Variants in MCU observed in about 807,000 individuals in gnomAD.
MCU encodes mitochondrial calcium uniporter, also known as calcium uniporter protein, mitochondrial.
In MCU, 12 loss-of-function variants were observed where a neutral mutation model predicts 45.2. The observed-to-expected ratio is 0.27, with a 90% CI of 0.17 to 0.43. The LOEUF (loss-of-function observed/expected upper bound fraction) is 0.43. Ranked by LOEUF, MCU falls within the 20% of genes least tolerant of loss-of-function variation. MCU has a pLI of 1.00. For missense variants in MCU, 324 were observed against 436.7 expected (o/e 0.74, Z 2.30); for synonymous variants, 160 against 165.1 (o/e 0.97, Z 0.24).
chr10:72,745,352 C>G (rs1056165524), intron 1 of MCU, among the ~76,000 whole-genome samples: 5 of 152,262 alleles, frequency 3.3e-5, no homozygotes, highest in Middle Eastern at 3.4e-3. Flanking sequence ...GCTCAGCCTC[C>G]TGAGTAGCTG....
intron 5 of MCU, among the ~76,000 whole-genome samples, chr10:72,870,578 A>C (rs11000431): frequency 6.6e-6 from 1 of 152,070 alleles, no homozygotes. Flanking sequence ...CACCGCGCCC[A>C]GCTTTACCTA....
chr10:72,710,558 T>TG (rs1015004000), intron 1 of MCU, among the ~76,000 whole-genome samples: 2 of 149,162 alleles, frequency 1.3e-5, no homozygotes, highest in African/African-American at 5.0e-5. Context: ...TTTTTTTTTT[T>TG]TTTTTTTTTT....
intron 1 of MCU, among the ~76,000 whole-genome samples, chr10:72,828,798 G>A (rs1003851018): frequency 5.3e-5 from 8 of 152,090 alleles, no homozygotes; most frequent in Admixed American, 2.6e-4. Context: ...TAAAGTTACA[G>A]TGTTTTGTAA....
In MCU at chr10:72,836,138, T is replaced by TA. The variant is rs567287549; in HGVS notation, c.220+1722dup. 6.6e-3 allele frequency among the ~76,000 whole-genome samples: 955 copies of TA among 145,180 alleles called. 7 individuals are homozygous for TA. The highest frequency in any genetic ancestry group is 0.01 in the South Asian group (48 of 4,612). ...GTTTGAATAAAAAGAATTTCACTGT[T>TA]AAAAAAAAAAAAGTTTACATTGCTG... On this transcript the variant is annotated intron_variant, in intron 2 of 7. Transcript: ENST00000373053.
intron 1 of MCU, among the ~76,000 whole-genome samples, chr10:72,822,548 A>AT (rs1233651608): frequency 6.6e-6 from 1 of 152,202 alleles, no homozygotes; most frequent in Non-Finnish European, 1.5e-5. Context: ...CTGAATAGGC[A>AT]TTTTTCCAGT....
Position 72,763,938 on chromosome 10 carries a change from G to T in MCU, c.151-70421G>T, listed in dbSNP as rs997130936. Among the ~76,000 whole-genome samples, 5 of 151,864 alleles carry T rather than the reference G, an allele frequency of 3.3e-5. No individual in the cohort carries two copies. In the South Asian group the frequency reaches 6.2e-4, roughly 19 times the overall value. On this transcript the variant is annotated intron_variant, in intron 1 of 7. Coordinates refer to ENST00000373053, the MANE Select transcript of MCU (RefSeq NM_138357.3). The stretch of plus-strand genomic sequence containing the variant: ...ACACTCCCCTTCCACACACACACAC[G>T]CATGTGCTCAACCAAAGAATGAACC...
chr10:72,808,248 G>A (rs56161419), intron 1 of MCU, among the ~76,000 whole-genome samples: 1 of 152,232 alleles, frequency 6.6e-6, no homozygotes, highest in East Asian at 1.9e-4. Flanking sequence ...CTCATTACCA[G>A]CCAAATGAGA....
At chr10:72,762,875 G>C (rs909292396) in intron 1 of MCU, among the ~76,000 whole-genome samples, 1 of 151,564 alleles carries the variant, frequency 6.6e-6, no homozygotes, top group African/African-American at 2.4e-5. Context: ...TTGCATTTCT[G>C]TAGGTCAGAA....
intron 1 of MCU, among the ~76,000 whole-genome samples, chr10:72,781,067 T>A (rs7924152): frequency 0.047 from 7,073 of 151,976 alleles, 264 homozygotes; most frequent in East Asian, 0.2. Context: ...ATAAAAAAAA[T>A]TTTTTTTAAA....
intron 2 of MCU, among the ~76,000 whole-genome samples, chr10:72,838,838 C>T (rs1169025570): frequency 6.6e-6 from 1 of 152,014 alleles, no homozygotes; most frequent in Non-Finnish European, 1.5e-5. Flanking sequence ...AAATTCGAAA[C>T]CTAAGGTCTG....
intron 1 of MCU, among the ~76,000 whole-genome samples, chr10:72,711,319 C>CA: frequency 6.8e-6 from 1 of 148,108 alleles, no homozygotes; most frequent in Middle Eastern, 3.6e-3. Flanking sequence ...TTCCTGGGTT[C>CA]AAGTGATTCT....
intron 1 of MCU, among the ~76,000 whole-genome samples, chr10:72,733,339 C>T (rs530550065): frequency 3.9e-5 from 6 of 152,262 alleles, no homozygotes; most frequent in African/African-American, 1.4e-4. Context: ...TGCCTGTAAT[C>T]CCAGTTACTT....
chr10:72,831,724 G>C (rs1328337332), intron 1 of MCU, among the ~76,000 whole-genome samples: 1 of 152,168 alleles, frequency 6.6e-6, no homozygotes, highest in Non-Finnish European at 1.5e-5. Flanking sequence ...TGAAGTGGAT[G>C]AGTAGAGCAA....
At chr10:72,876,756 A>G (rs998605306) in intron 6 of MCU, among the ~76,000 whole-genome samples, 6 of 152,102 alleles carry the variant, frequency 3.9e-5, no homozygotes, top group African/African-American at 1.4e-4. Flanking sequence ...GCATTTTCCT[A>G]TTTAGGGCTA....
chr10:72,704,929 C>T (rs1157781641), intron 1 of MCU, among the ~76,000 whole-genome samples: 1 of 151,942 alleles, frequency 6.6e-6, no homozygotes, highest in Admixed American at 6.6e-5. Flanking sequence ...CCATGTTGGC[C>T]AGGCTGATCT....
chr10:72,797,616 C>A (rs551204771), intron 1 of MCU, among the ~76,000 whole-genome samples: 1 of 147,740 alleles, frequency 6.8e-6, no homozygotes, highest in Admixed American at 6.9e-5. Flanking sequence ...CTCACTGCAA[C>A]CTCCGTCTCC....
intron 1 of MCU, among the ~76,000 whole-genome samples, chr10:72,717,520 A>G (rs1842969665): frequency 6.6e-6 from 1 of 152,086 alleles, no homozygotes; most frequent in Non-Finnish European, 1.5e-5. Flanking sequence ...CAGCCTCCCA[A>G]AGTGCTGGGA....
At chr10:72,810,294 A>G (rs895615589) in intron 1 of MCU, among the ~76,000 whole-genome samples, 3 of 151,950 alleles carry the variant, frequency 2.0e-5, no homozygotes, top group Admixed American at 6.6e-5. Context: ...GAAATTTCCT[A>G]TTTTACTGGT....
At chr10:72,840,089 T>A (rs979817780) in intron 2 of MCU, among the ~76,000 whole-genome samples, 2 of 152,096 alleles carry the variant, frequency 1.3e-5, no homozygotes, top group Non-Finnish European at 2.9e-5. Context: ...TGTAGGTATA[T>A]GCTTAATTTT....
Sources: allele counts gnomAD v4.1 joint callset (sites outside exome capture counted in the v4.1 genomes callset), GRCh38; gene constraint gnomAD v4.1.1; transcripts MANE v1.5; gene names NCBI Gene and HGNC (gene_info 2026-07-23, HGNC 2026-07-21).